MICAL2: variants seen among roughly 807,000 people sequenced by gnomAD.
MICAL2 encodes [F-actin]-monooxygenase MICAL2.
A neutral mutation model predicts 127.3 loss-of-function variants in MICAL2; 77 were observed. The observed-to-expected ratio is 0.60, with a 90% CI of 0.50 to 0.73. The LOEUF (loss-of-function observed/expected upper bound fraction) is 0.73. Among genes scored for constraint, MICAL2 ranks in the 30% least tolerant of loss-of-function variants. The pLI, the probability that MICAL2 is intolerant of heterozygous loss-of-function variation, is 0.00. For synonymous variants in MICAL2, 570 were observed against 551.1 expected, an observed-to-expected ratio of 1.03 and a Z score of -0.48; for missense variants, 1,351 against 1,434.4, an observed-to-expected ratio of 0.94 and a Z score of 0.94.
At chr11:12,328,339 C>T (rs1413901208) in intron 32 of MICAL2, among the ~76,000 whole-genome samples, 1 of 152,078 alleles carries the variant, frequency 6.6e-6, no homozygotes, top group Non-Finnish European at 1.5e-5. Flanking sequence ...GTGAACAGAA[C>T]CAAGAGGTTC....
Position 12,226,370 on chromosome 11 carries a change from G to C in MICAL2, c.1888G>C (p.Asp630His), listed in dbSNP as rs1382140093. ...CCGGGGCACCCCACTGAGGCCCGTG[G>C]GTAAGCACCTGCACAGAGGTTTTGC... is the stretch of plus-strand genomic sequence containing the variant. ...LFRGTPLRPVDSWRKNYGENA... is the reference protein window; with the variant it reads ...LFRGTPLRPVHSWRKNYGENA... The change falls in exon 14 of 28, where the codon GAT becomes CAT. Residue 630 changes from aspartate (D) to histidine (H), a missense_variant and splice_region_variant. By Grantham distance (81) the Asp-to-His change is moderately conservative. Coordinates refer to ENST00000683283, the MANE Select transcript of MICAL2 (RefSeq NM_001282663.2). The C allele has an allele frequency of 1.2e-6, 2 of 1,613,862 alleles. No homozygotes were observed. The highest frequency in any genetic ancestry group is 1.3e-5 in the African/African-American group (1 of 75,022).
In MICAL2 at chr11:12,208,144, A is replaced by G. The variant is rs1415135323; in HGVS notation, c.589+5A>G. ...CTGAAGATCAAGAAAATCAAAGTAC[A>G]GTATAATTTTCTTTTTCTGCCTAGA... On this transcript the variant is annotated splice_donor_5th_base_variant and intron_variant, in intron 5 of 27. Transcript: ENST00000683283. The G allele has an allele frequency of 3.7e-6, 6 of 1,603,862 alleles. No individual in the cohort carries two copies. Among genetic ancestry groups the G allele is most frequent in the African/African-American group, 1.3e-5 (1 of 74,616 alleles).
At chr11:12,124,314 C>T (rs778156106) in intron 1 of MICAL2, among the ~76,000 whole-genome samples, 1 of 152,114 alleles carries the variant, frequency 6.6e-6, no homozygotes, top group Non-Finnish European at 1.5e-5. Context: ...GATCTTTGAC[C>T]GACTGACTTT....
downstream of MICAL2, among the ~76,000 whole-genome samples, chr11:12,267,191 T>A (rs879299011): frequency 1.3e-5 from 2 of 152,172 alleles, no homozygotes; most frequent in African/African-American, 2.4e-5. Flanking sequence ...TTTGCCTTAG[T>A]GAGTGCCCGA....
At chr11:12,340,762 G>C (rs1355839501) in intron 32 of MICAL2, among the ~76,000 whole-genome samples, 1 of 152,106 alleles carries the variant, frequency 6.6e-6, no homozygotes, top group Non-Finnish European at 1.5e-5. Context: ...TTTAAAACAA[G>C]CAAGTTATGG....
At chr11:12,290,394 G>A (rs1185674851), downstream of MICAL2, among the ~76,000 whole-genome samples, 2 of 152,178 alleles carry the variant, frequency 1.3e-5, no homozygotes, top group Non-Finnish European at 2.9e-5. Context: ...AAGTCCCTGA[G>A]GGATCCTCAG....
chr11:12,249,534 G>A (rs1251450338), intron 22 of MICAL2, among the ~76,000 whole-genome samples: 1 of 152,236 alleles, frequency 6.6e-6, no homozygotes, highest in South Asian at 2.1e-4. Context: ...CGAGGAATCA[G>A]ATCCAACAGG....
chr11:12,225,245 C>CACTT (rs1262538739), intron 13 of MICAL2, among the ~76,000 whole-genome samples: 1 of 152,194 alleles, frequency 6.6e-6, no homozygotes, highest in Admixed American at 6.5e-5. Flanking sequence ...TTGGGCAAGC[C>CACTT]ACTTACCTTC....
intron 32 of MICAL2, among the ~76,000 whole-genome samples, chr11:12,330,979 G>A (rs531670495): frequency 7.9e-5 from 12 of 151,840 alleles, no homozygotes; most frequent in Non-Finnish European, 1.5e-4. Context: ...AGAGGTAAGA[G>A]AGTCCCCTCT....
intron 33 of MICAL2, among the ~76,000 whole-genome samples, chr11:12,352,840 G>A (rs1386974538): frequency 3.3e-5 from 5 of 152,270 alleles, no homozygotes; most frequent in Admixed American, 6.5e-5. Flanking sequence ...CAGATGCAGC[G>A]CAGCTCTGAG....
chr11:12,217,965 A>G (rs1184818286), intron 8 of MICAL2, among the ~76,000 whole-genome samples: 1 of 152,152 alleles, frequency 6.6e-6, no homozygotes, highest in Non-Finnish European at 1.5e-5. Flanking sequence ...GCTTAAATTT[A>G]CATTGTTCTC....
Position 12,259,786 on chromosome 11 carries a change from C to G in MICAL2, c.3232-9C>G. 2 of 1,531,664 alleles carry G rather than the reference C, an allele frequency of 1.3e-6. No individual in the cohort carries two copies. Among genetic ancestry groups the G allele is most frequent in the Non-Finnish European group, 1.8e-6 (2 of 1,138,132 alleles). 94.9% of individuals were successfully genotyped at this position (1,531,664 alleles called of 1,614,324 possible). A position where few individuals can be genotyped will look rare whatever the true frequency, so the allele number is the denominator to read the frequency against. On this transcript the variant is annotated splice_polypyrimidine_tract_variant and intron_variant, in intron 25 of 27. Coordinates refer to ENST00000683283, the MANE Select transcript of MICAL2 (RefSeq NM_001282663.2). ...CAGACAAATGCCCTCATTTCCATCTCTTTCTCAGGAGGAGGCAACATGGCA... is the reference window on the plus strand; with the variant it reads ...CAGACAAATGCCCTCATTTCCATCTGTTTCTCAGGAGGAGGCAACATGGCA...
rs886448453 is a variant in MICAL2, at chr11:12,239,425, A to G, written c.2065-11A>G. 16 of 1,613,778 alleles carry G rather than the reference A, an allele frequency of 9.9e-6. No individual in the cohort carries two copies. Among genetic ancestry groups the G allele is most frequent in the Non-Finnish European group, 1.3e-5 (15 of 1,180,032 alleles). On this transcript the variant is annotated splice_polypyrimidine_tract_variant and intron_variant, in intron 16 of 27. Transcript: ENST00000683283. The stretch of plus-strand genomic sequence containing the variant: ...GATCCAACCATCAGTGTCCCGTTTC[A>G]ACCTTTGCAGCCTTCAAACTTTTCC...
rs1182651167 is a variant in MICAL2, at chr11:12,226,453, A to G, written c.1888+83A>G. ...TGAGTCTGGCTGCTCCTAACACTGT[A>G]TGGTCTGTTCTGGGGCTGCCCAGTG... On this transcript the variant is annotated intron_variant, in intron 14 of 27. Coordinates refer to ENST00000683283, the MANE Select transcript of MICAL2 (RefSeq NM_001282663.2). 6.3e-6 allele frequency: 9 copies of G among 1,420,732 alleles called. No homozygotes were observed. In the Admixed American group the frequency reaches 9.2e-5, roughly 14 times the overall value. 88.0% of individuals were successfully genotyped at this position (1,420,732 alleles called of 1,614,324 possible). A position where few individuals can be genotyped will look rare whatever the true frequency, so the allele number is the denominator to read the frequency against.
At chr11:12,359,921 A>G (rs547330690), downstream of MICAL2, among the ~76,000 whole-genome samples, 10 of 152,312 alleles carry the variant, frequency 6.6e-5, no homozygotes, top group African/African-American at 2.4e-4. Context: ...AAATCAATCC[A>G]TAAACCACTT....
chr11:12,223,003 T>C (rs1857002885), intron 11 of MICAL2, among the ~76,000 whole-genome samples: 1 of 152,238 alleles, frequency 6.6e-6, no homozygotes, highest in Non-Finnish European at 1.5e-5. Context: ...ACTATGCATA[T>C]GCATTGCTGA....
rs919465231 is a variant in MICAL2 at position 12,158,761 on chromosome 11, G to A, written c.-77-3318G>A. ...CTGAAATCAATCTCCCATGGTTACT[G>A]AGGGAAGCCTGTATTATCCCTATTT... On this transcript the variant is annotated intron_variant, in intron 2 of 27. Transcript: ENST00000683283. 5.3e-5 allele frequency among the ~76,000 whole-genome samples: 8 copies of A among 152,316 alleles called. No homozygotes were observed. The South Asian group carries it at 1.7e-3, about 32-fold the overall frequency.
At chr11:12,349,664 A>G (rs1939015271) in intron 32 of MICAL2, among the ~76,000 whole-genome samples, 1 of 152,186 alleles carries the variant, frequency 6.6e-6, no homozygotes, top group African/African-American at 2.4e-5. Context: ...CAGCATGCAC[A>G]GGTGGGTTTT....
At chr11:12,241,323 A>G (rs1410467635) in intron 18 of MICAL2, among the ~76,000 whole-genome samples, 161 bp downstream of exon 18, 1 of 152,240 alleles carries the variant, frequency 6.6e-6, no homozygotes, top group Non-Finnish European at 1.5e-5. Flanking sequence ...ATAACCAAGT[A>G]TGCAACATCA....
Sources: gnomAD v4.1 joint callset for allele counts (sites outside exome capture counted in the v4.1 genomes callset) on GRCh38, gnomAD v4.1.1 for gene constraint, MANE v1.5 for transcripts, NCBI Gene and HGNC (gene_info 2026-07-23, HGNC 2026-07-21) for gene names.